STRN: variants seen among roughly 807,000 people sequenced by gnomAD.
The protein encoded by STRN is protein phosphatase 2 regulatory subunit B'''alpha.
In STRN, 53 loss-of-function variants were observed where a neutral mutation model predicts 96.3. The observed-to-expected ratio is 0.55, with a 90% confidence interval of 0.44 to 0.69. The LOEUF (loss-of-function observed/expected upper bound fraction) is 0.69. STRN is among the 30% of genes least tolerant of loss of function. The pLI, the probability that STRN is intolerant of heterozygous loss-of-function variation, is 0.00. For synonymous variants in STRN, 428 were observed against 355.9 expected, an observed-to-expected ratio of 1.20 and a Z score of -2.28; for missense variants, 987 against 963.9, an observed-to-expected ratio of 1.02 and a Z score of -0.32.
At chr2:36,920,986 A>T (rs1370820033) in intron 2 of STRN, among the ~76,000 whole-genome samples, 1 of 151,838 alleles carries the variant, frequency 6.6e-6, no homozygotes, top group Non-Finnish European at 1.5e-5. Context: ...GAGGCAAGAG[A>T]ATGGCTTGAA....
At chr2:36,877,000 G>C (rs1668932441) in intron 10 of STRN, among the ~76,000 whole-genome samples, 1 of 152,084 alleles carries the variant, frequency 6.6e-6, no homozygotes. Context: ...CACCCGCCTT[G>C]GCCTCCCAAA....
chr2:36,855,941 T>C (rs1386786033), intron 14 of STRN, among the ~76,000 whole-genome samples: 2 of 151,902 alleles, frequency 1.3e-5, no homozygotes, highest in East Asian at 1.9e-4. Flanking sequence ...AGGAAACATA[T>C]AAAGTGAATA....
At chr2:36,960,435 C>T (rs1049721212) in intron 1 of STRN, among the ~76,000 whole-genome samples, 2 of 152,136 alleles carry the variant, frequency 1.3e-5, no homozygotes, top group African/African-American at 4.8e-5. Context: ...TATGCTCCAG[C>T]CTCAGAAAAG....
intron 6 of STRN, among the ~76,000 whole-genome samples, chr2:36,897,863 A>AT (rs575094614): frequency 8.7e-5 from 13 of 150,154 alleles, no homozygotes; most frequent in Non-Finnish European, 1.6e-4. Context: ...TTAAAAAAAA[A>AT]TTTTTTTTTT....
intron 1 of STRN, among the ~76,000 whole-genome samples, chr2:36,960,326 A>C (rs554279319): frequency 6.6e-6 from 1 of 152,354 alleles, no homozygotes; most frequent in Non-Finnish European, 1.5e-5. Context: ...CAATGTTCTG[A>C]GGCTGACACT....
chr2:36,902,886 G>C (rs1669726240), intron 4 of STRN, 135 bp from the exon 5 acceptor site: 6 of 601,492 alleles, frequency 1.0e-5, no homozygotes, highest in South Asian at 5.0e-5. Flanking sequence ...AGTAAGACTT[G>C]TTAATAAATA....
intron 1 of STRN, among the ~76,000 whole-genome samples, chr2:36,928,711 G>A (rs544245018): frequency 8.0e-5 from 12 of 150,910 alleles, no homozygotes; most frequent in South Asian, 2.1e-4. Context: ...TTGGGAGGCC[G>A]AGGCGGGTGG....
chr2:36,928,107 A>C (rs1670464622), intron 1 of STRN, among the ~76,000 whole-genome samples: 1 of 152,202 alleles, frequency 6.6e-6, no homozygotes, highest in Admixed American at 6.5e-5. Context: ...TAGATATTAG[A>C]AACAGTCTTA....
intron 1 of STRN, among the ~76,000 whole-genome samples, chr2:36,961,179 T>C (rs1345532153): frequency 1.5e-5 from 2 of 137,080 alleles, no homozygotes; most frequent in Non-Finnish European, 1.5e-5. Flanking sequence ...CAGGCTGGAG[T>C]GCAGTGGAGT....
At chr2:36,914,615 T>C (rs1008926736) in intron 3 of STRN, among the ~76,000 whole-genome samples, 3 of 152,230 alleles carry the variant, frequency 2.0e-5, no homozygotes, top group Admixed American at 6.5e-5. Flanking sequence ...AATGCATTAA[T>C]ACACTACTAC....
At chr2:36,937,460 G>C (rs938843966) in intron 1 of STRN, among the ~76,000 whole-genome samples, 1 of 152,048 alleles carries the variant, frequency 6.6e-6, no homozygotes. Flanking sequence ...CTTGAGACCA[G>C]GAGTTCAAGA....
chr2:36,850,852 G>A lies in STRN; in HGVS notation c.2086+148C>T. On this transcript the variant is annotated intron_variant, in intron 16 of 17. Transcript: ENST00000263918. ...ACTAGTCTTAGCAGATTTGGATAGA[G>A]TGAAGAGAAACTGAGACGGGAGAGT... is the stretch of plus-strand genomic sequence containing the variant. 1.1e-5 allele frequency: 6 copies of A among 568,744 alleles called. No individual in the cohort carries two copies. In the South Asian group the frequency reaches 1.3e-4, roughly 12 times the overall value. 35.2% of individuals were successfully genotyped at this position (568,744 alleles called of 1,614,324 possible). A position where few individuals can be genotyped will look rare whatever the true frequency, so the allele number is the denominator to read the frequency against.
Position 36,911,322 on chromosome 2 carries a change from C to A in STRN, c.412+4756G>T, listed in dbSNP as rs45504994. Among the ~76,000 whole-genome samples the A allele has an allele frequency of 9.2e-5, 14 of 152,058 alleles. No homozygotes were observed. In the South Asian group the frequency reaches 1.7e-3, roughly 18 times the overall value. On this transcript the variant is annotated intron_variant, in intron 3 of 17. Coordinates refer to ENST00000263918, the MANE Select transcript of STRN (RefSeq NM_003162.4). ...GATGCAAACTGATTGTCTGAGCAGACCAGTCAGGCTCAATTACTCCCAATT... is the reference window on the plus strand; with the variant it reads ...GATGCAAACTGATTGTCTGAGCAGAACAGTCAGGCTCAATTACTCCCAATT...
chr2:36,876,750 C>G (rs1668922919), intron 10 of STRN, among the ~76,000 whole-genome samples: 1 of 74,766 alleles, frequency 1.3e-5, no homozygotes, highest in African/African-American at 3.8e-5. Context: ...CAATTATAAA[C>G]ATTTTTTTTT....
intron 10 of STRN, among the ~76,000 whole-genome samples, chr2:36,875,124 G>C (rs549142251): frequency 6.6e-6 from 1 of 152,232 alleles, no homozygotes; most frequent in Non-Finnish European, 1.5e-5. Context: ...TTTTGATAAA[G>C]ATGTATGTGA....
chr2:36,886,944 G>T, intron 7 of STRN, 118 bp from the exon 8 acceptor site: 1 of 690,892 alleles, frequency 1.4e-6, no homozygotes. Context: ...CTTAAAAAAA[G>T]TCAGTTTATT....
At chr2:36,906,870 G>A (rs1023011720) in intron 3 of STRN, among the ~76,000 whole-genome samples, 3 of 151,780 alleles carry the variant, frequency 2.0e-5, no homozygotes, top group Admixed American at 6.6e-5. Flanking sequence ...GCAGTGAGCC[G>A]AGATGATTGC....
At position 36,965,410 on chromosome 2, in the gene STRN, G is replaced by A. The variant is rs910574307; in HGVS notation, c.234+820C>T. On this transcript the variant is annotated intron_variant, in intron 1 of 17. Transcript: ENST00000263918. ...AGAGCCCACAGTTATCTCCTCCCTG[G>A]ATATACTTTATCTTGCAGATTATGC... Among the ~76,000 whole-genome samples the A allele has an allele frequency of 3.3e-5, 5 of 152,050 alleles. No homozygotes were observed. In the East Asian group the frequency reaches 7.7e-4, roughly 23 times the overall value.
At position 36,845,748 on chromosome 2, in the gene STRN, T is replaced by A. The variant is rs1384795154; in HGVS notation, c.*3708A>T. On this transcript the variant is annotated 3_prime_UTR_variant, in exon 18 of 18. Transcript: ENST00000263918. ...CTACTGAAATTTCTAGGAATTCACATTCAAAATTCTTGGAAAGTATATATG... is the reference window on the plus strand; with the variant it reads ...CTACTGAAATTTCTAGGAATTCACAATCAAAATTCTTGGAAAGTATATATG... 6.6e-6 allele frequency: 1 copy of A among 152,064 alleles called. No homozygotes were observed. Among genetic ancestry groups the A allele is most frequent in the Non-Finnish European group, 1.5e-5 (1 of 68,004 alleles). The allele number at this position is 152,064 out of a possible 1,614,324, so 9.4% of individuals were successfully genotyped here.
Sources: allele counts gnomAD v4.1 joint callset (sites outside exome capture counted in the v4.1 genomes callset), GRCh38; gene constraint gnomAD v4.1.1; transcripts MANE v1.5; gene names NCBI Gene and HGNC (gene_info 2026-07-23, HGNC 2026-07-21).